Variants in MTHFS observed in about 807,000 individuals in gnomAD.
The protein encoded by MTHFS is 5-formyltetrahydrofolate cyclo-ligase.
MTHFS carries 7 observed loss-of-function variants against 12.7 expected under a neutral mutation model. The observed-to-expected ratio is 0.55, with a 90% CI of 0.31 to 1.03. The LOEUF (loss-of-function observed/expected upper bound fraction) is 1.03, where lower values mean the gene tolerates loss of function less well. MTHFS is among the 50% of genes least tolerant of loss of function. The pLI, the probability that MTHFS is intolerant of heterozygous loss-of-function variation, is 0.05. For synonymous variants in MTHFS, 100 were observed against 97.1 expected (o/e 1.03, Z -0.18); for missense variants, 252 against 258.1 (o/e 0.98, Z 0.16).
chr15:79,896,760 G>A (rs8023452), intron 1 of MTHFS, 112 bp downstream of exon 1: 4 of 1,457,970 alleles, frequency 2.7e-6, no homozygotes, highest in Admixed American at 2.4e-5. Flanking sequence ...CCGGGGGGTG[G>A]GGGGGCGCCT....
At chr15:79,891,222 C>T (rs760177739) in intron 1 of MTHFS, among the ~76,000 whole-genome samples, 1 of 152,108 alleles carries the variant, frequency 6.6e-6, no homozygotes, top group Non-Finnish European at 1.5e-5. Flanking sequence ...CTTGAAATCC[C>T]AAAGCAACCA....
intron 2 of MTHFS, among the ~76,000 whole-genome samples, chr15:79,863,556 G>A (rs182149234): frequency 1.9e-4 from 29 of 152,268 alleles, no homozygotes; most frequent in Admixed American, 1.8e-3. Flanking sequence ...CTCCTTAGTA[G>A]CAGAAAACTT....
chr15:79,849,423 G>T (rs1309418623), intron 2 of MTHFS, among the ~76,000 whole-genome samples: 1 of 151,990 alleles, frequency 6.6e-6, no homozygotes, highest in Non-Finnish European at 1.5e-5. Flanking sequence ...TCACACTTTG[G>T]GAACACTATG....
chr15:79,882,693 T>C (rs188171592), intron 2 of MTHFS, among the ~76,000 whole-genome samples: 280 of 152,336 alleles, frequency 1.8e-3, no homozygotes, highest in Non-Finnish European at 3.6e-3. Context: ...CCATCTTTTA[T>C]ACAGATCTAG....
intron 2 of MTHFS, among the ~76,000 whole-genome samples, chr15:79,852,843 G>T (rs916378666): frequency 6.6e-6 from 1 of 152,170 alleles, no homozygotes; most frequent in Non-Finnish European, 1.5e-5. Flanking sequence ...TGTATTATGG[G>T]TTCAAGGCTT....
intron 2 of MTHFS, among the ~76,000 whole-genome samples, chr15:79,854,069 GCT>G (rs2033759481): frequency 6.6e-6 from 1 of 152,154 alleles, no homozygotes. Context: ...AAGTGTGGAA[GCT>G]CTTTGTTCTT....
chr15:79,846,558 G>A (rs2033619122), intron 2 of MTHFS, among the ~76,000 whole-genome samples: 1 of 152,220 alleles, frequency 6.6e-6, no homozygotes, highest in African/African-American at 2.4e-5. Flanking sequence ...ACTGTGAGGT[G>A]AACTCAGCTT....
rs1314868715 is a variant in MTHFS at position 79,843,598 on chromosome 15, T to C, written c.*1612A>G. 2.0e-5 allele frequency: 3 copies of C among 152,242 alleles called. No individual in the cohort carries two copies. Among genetic ancestry groups the C allele is most frequent in the South Asian group, 2.1e-4 (1 of 4,834 alleles). The allele number at this position is 152,242 out of a possible 1,614,324, so 9.4% of individuals were successfully genotyped here. A position where few individuals can be genotyped will look rare whatever the true frequency, so the allele number is the denominator to read the frequency against. ...ACATAAAACATCAAATTTATGCTAC[T>C]ATCCAAAGAATAATGGATGAGTATT... On this transcript the variant is annotated 3_prime_UTR_variant, in exon 3 of 3. Coordinates refer to ENST00000258874, the MANE Select transcript of MTHFS (RefSeq NM_006441.4).
At chr15:79,879,491 CTA>C (rs528966917) in intron 2 of MTHFS, among the ~76,000 whole-genome samples, 1 of 151,736 alleles carries the variant, frequency 6.6e-6, no homozygotes, top group South Asian at 2.1e-4. Context: ...GCATGCCCAG[CTA>C]ATTTTTTTCC....
chr15:79,875,759 A>G (rs138330710), intron 2 of MTHFS, among the ~76,000 whole-genome samples: 1,776 of 152,284 alleles, frequency 0.012, 32 homozygotes, highest in South Asian at 0.045. Flanking sequence ...TTCAAAGTTC[A>G]CCATCAAGAG....
At chr15:79,893,990 G>A (rs1304355325) in intron 1 of MTHFS, among the ~76,000 whole-genome samples, 6 of 152,108 alleles carry the variant, frequency 3.9e-5, no homozygotes, top group Non-Finnish European at 8.8e-5. Flanking sequence ...ATTCACTATG[G>A]CAAAACACTA....
chr15:79,852,464 TA>T lies in MTHFS; in HGVS notation c.380-7023del, dbSNP rs376327209. ...CCTATTATTATAGACTGTTAATTTT[TA>T]AAAATTACATTGTAAACATACCTTC... is the stretch of plus-strand genomic sequence containing the variant. On this transcript the variant is annotated intron_variant, in intron 2 of 2. Coordinates refer to ENST00000258874, the MANE Select transcript of MTHFS (RefSeq NM_006441.4). Among the ~76,000 whole-genome samples, 25 of 152,360 alleles carry T rather than the reference TA, an allele frequency of 1.6e-4. No homozygotes were observed. The East Asian group carries it at 4.4e-3, about 27-fold the overall frequency.
intron 2 of MTHFS, among the ~76,000 whole-genome samples, chr15:79,860,382 C>A (rs1268835973): frequency 1.3e-5 from 2 of 150,432 alleles, no homozygotes; most frequent in Admixed American, 1.3e-4. Flanking sequence ...GAGCGAGACT[C>A]CATCTCAAAA....
chr15:79,865,503 A>C (rs2033993595), intron 2 of MTHFS, among the ~76,000 whole-genome samples: 1 of 152,216 alleles, frequency 6.6e-6, no homozygotes, highest in African/African-American at 2.4e-5. Flanking sequence ...AACTGCAGTC[A>C]AGCCCCCAGC....
At chr15:79,888,647 A>C (rs548979700) in intron 2 of MTHFS, among the ~76,000 whole-genome samples, 2 of 152,330 alleles carry the variant, frequency 1.3e-5, no homozygotes, top group South Asian at 4.1e-4. Context: ...GTGGGGCATA[A>C]GAGAAAGAGG....
At chr15:79,847,068 G>C (rs2033631228) in intron 2 of MTHFS, among the ~76,000 whole-genome samples, 1 of 152,220 alleles carries the variant, frequency 6.6e-6, no homozygotes, top group Admixed American at 6.5e-5. Context: ...ACAAATACTA[G>C]AGACCCCAGC....
At position 79,866,090 on chromosome 15, in the gene MTHFS, T is replaced by G. The variant is rs10083675; in HGVS notation, c.380-20648A>C. The stretch of plus-strand genomic sequence containing the variant: ...GAGGAGGAACAGGAGCAGCTTTTTG[T>G]TTTTTTTTGGTCTCTGTGACAGCGA... On this transcript the variant is annotated intron_variant, in intron 2 of 2. Coordinates refer to ENST00000258874, the MANE Select transcript of MTHFS (RefSeq NM_006441.4). 3.2e-3 allele frequency among the ~76,000 whole-genome samples: 487 copies of G among 150,286 alleles called. 2 individuals are homozygous for G. Among genetic ancestry groups the G allele is most frequent in the African/African-American group, 1.0e-2 (408 of 40,960 alleles).
intron 1 of MTHFS, among the ~76,000 whole-genome samples, chr15:79,895,449 C>G (rs1479296314): frequency 1.3e-5 from 2 of 152,226 alleles, no homozygotes; most frequent in Admixed American, 1.3e-4. Context: ...CTCTTCTAGG[C>G]TCTCTGCTCC....
Position 79,893,193 on chromosome 15 carries a change from A to G in MTHFS, c.117+3679T>C, listed in dbSNP as rs138774476. On this transcript the variant is annotated intron_variant, in intron 1 of 2. Transcript: ENST00000258874. Reference sequence around the variant, plus strand: ...GCCGAGGCAGGTGGATCATGAGGTCAGGAGTTCAACATCAGCCGGGCCAAG... The same window carrying G: ...GCCGAGGCAGGTGGATCATGAGGTCGGGAGTTCAACATCAGCCGGGCCAAG... Among the ~76,000 whole-genome samples, 321 of 151,920 alleles carry G rather than the reference A, an allele frequency of 2.1e-3. 2 individuals carry two copies. The highest frequency in any genetic ancestry group is 7.4e-3 in the African/African-American group (308 of 41,416).
Sources: gnomAD v4.1 joint callset for allele counts (sites outside exome capture counted in the v4.1 genomes callset) on GRCh38, gnomAD v4.1.1 for gene constraint, MANE v1.5 for transcripts, NCBI Gene and HGNC (gene_info 2026-07-23, HGNC 2026-07-21) for gene names.